Variants in HK1 observed in about 807,000 individuals in gnomAD.
HK1 encodes the protein hexokinase 1.
Under a neutral mutation model 91.6 loss-of-function variants are expected in HK1, and 28 were observed. That is an observed-to-expected ratio of 0.31 (90% CI 0.23 to 0.42). The LOEUF (loss-of-function observed/expected upper bound fraction) is 0.42. Among genes scored for constraint, HK1 ranks in the 10% least tolerant of loss-of-function variants. The pLI is 1.00. For synonymous variants in HK1, 430 were observed against 468.1 expected (o/e 0.92, Z 1.05); for missense variants, 770 against 1,219.8 (o/e 0.63, Z 5.49).
intron 2 of HK1, among the ~76,000 whole-genome samples, chr10:69,357,762 T>G (rs577557674): frequency 1.3e-5 from 2 of 152,232 alleles, no homozygotes; most frequent in South Asian, 4.1e-4. Context: ...CACTGTATGA[T>G]TTCATTGATA....
chr10:69,319,074 C>T, intron 1 of HK1, 64 bp downstream of exon 1: 2 of 1,535,830 alleles, frequency 1.3e-6, no homozygotes, highest in Non-Finnish European at 1.8e-6. Flanking sequence ...ATCCGCTCGC[C>T]GCCTCCGCTG....
rs1445042671 is a variant in HK1, at chr10:69,382,538, T to C, written c.1317T>C (p.Asp439=). The change falls in exon 10 of 18, where the codon GAT becomes GAC. Residue 439 remains aspartate, a synonymous_variant. Transcript: ENST00000359426. ...TAAGGCGCTTGGTGCCAGACTCCGA[T>C]GTGCGCTTCCTCCTCTCGGAGAGTG... ...KTLRRLVPDS[D]VRFLLSESGS... is the part of the protein sequence containing the mutation. The C allele has an allele frequency of 8.1e-6, 13 of 1,614,074 alleles. No homozygotes were observed. The highest frequency in any genetic ancestry group is 3.3e-5 in the South Asian group (3 of 91,086).
At chr10:69,318,787 G>A (rs547557166), upstream of HK1, 6 of 1,350,618 alleles carry the variant, frequency 4.4e-6, no homozygotes, top group Non-Finnish European at 5.8e-6. Context: ...CGCGGAGACC[G>A]GGAGCGCGCG....
chr10:69,379,170 CAAAA>C (rs986201473), intron 8 of HK1, among the ~76,000 whole-genome samples: 51 of 151,776 alleles, frequency 3.4e-4, no homozygotes, highest in African/African-American at 1.2e-3. Context: ...AAAAATCTGT[CAAAA>C]AAAGATGTCT....
chr10:69,400,399 A>G (rs1028833792), intron 17 of HK1, among the ~76,000 whole-genome samples: 1 of 152,188 alleles, frequency 6.6e-6, no homozygotes, highest in African/African-American at 2.4e-5. Context: ...TTCAGATACT[A>G]TCTTCACTGG....
chr10:69,306,299 AG>A (rs1280952776), intron 5 of HK1, among the ~76,000 whole-genome samples: 1 of 152,108 alleles, frequency 6.6e-6, no homozygotes, highest in Non-Finnish European at 1.5e-5. Flanking sequence ...TGGAGCTTGC[AG>A]TGAGCTGAGA....
At chr10:69,388,969 A>C (rs189756919) in intron 13 of HK1, among the ~76,000 whole-genome samples, 37 of 152,270 alleles carry the variant, frequency 2.4e-4, no homozygotes, top group Non-Finnish European at 4.9e-4. Context: ...TCATCTGTAA[A>C]ATGGGTAGAA....
At chr10:69,364,955 C>G in intron 4 of HK1, 53 bp downstream of exon 4, 1 of 1,605,240 alleles carries the variant, frequency 6.2e-7, no homozygotes, top group Non-Finnish European at 8.5e-7. Context: ...GATGGAAAAG[C>G]TAACAAGCCC....
At chr10:69,345,030 G>C (rs1020820690) in intron 2 of HK1, among the ~76,000 whole-genome samples, 6 of 152,044 alleles carry the variant, frequency 3.9e-5, no homozygotes, top group Admixed American at 6.6e-5. Flanking sequence ...CTTGTATGCA[G>C]CCTGCAAAAT....
intron 1 of HK1, among the ~76,000 whole-genome samples, chr10:69,328,517 C>G (rs116709257): frequency 6.6e-6 from 1 of 152,302 alleles, no homozygotes; most frequent in Non-Finnish European, 1.5e-5. Flanking sequence ...CTTAGTTCAT[C>G]CCCACAACGC....
At chr10:69,300,823 T>G in exon 5 of HK1, 1 of 1,610,962 alleles carries the variant, frequency 6.2e-7, no homozygotes, top group Non-Finnish European at 8.5e-7. Context: ...ACCACTGTGG[T>G]GGCGTGGAAA....
At chr10:69,320,883 G>A (rs1846983065) in intron 1 of HK1, among the ~76,000 whole-genome samples, 1 of 152,158 alleles carries the variant, frequency 6.6e-6, no homozygotes, top group Non-Finnish European at 1.5e-5. Flanking sequence ...TCCTGTGGGT[G>A]GCTCAATTCA....
chr10:69,395,976 G>A (rs1471759026), intron 16 of HK1, among the ~76,000 whole-genome samples: 2 of 152,068 alleles, frequency 1.3e-5, no homozygotes, highest in African/African-American at 2.4e-5. Flanking sequence ...ATAACCTAAC[G>A]TAGGCTCTGT....
At chr10:69,278,297 G>A (rs2132419513) in intron 1 of HK1, among the ~76,000 whole-genome samples, 1 of 152,334 alleles carries the variant, frequency 6.6e-6, no homozygotes, top group East Asian at 1.9e-4. Flanking sequence ...CTTTCCTTGA[G>A]AATATGTATA....
chr10:69,330,919 G>T, intron 1 of HK1, among the ~76,000 whole-genome samples: 1 of 147,928 alleles, frequency 6.8e-6, no homozygotes, highest in Non-Finnish European at 1.5e-5. Context: ...TCGCTGTGTC[G>T]CCCAGGCTGG....
At position 69,382,574 on chromosome 10, in the gene HK1, G is replaced by A; in HGVS notation, c.1353G>A (p.Lys451=). The change falls in exon 10 of 18, where the codon AAG becomes AAA. Residue 451 remains lysine, a synonymous_variant. Transcript: ENST00000359426. ...RFLLSESGSG[K]GAAMVTAVAY... is the part of the protein sequence containing the mutation. ...TCCTCTCGGAGAGTGGCAGCGGCAA[G>A]GGGGCTGCCATGGTGACGGCGGTGG... 2 of 1,614,188 alleles carry A rather than the reference G, an allele frequency of 1.2e-6. No individual in the cohort carries two copies. The highest frequency in any genetic ancestry group is 1.7e-6 in the Non-Finnish European group (2 of 1,180,004).
Position 69,303,655 on chromosome 10 carries a change from T to C in HK1, c.27+2794T>C, listed in dbSNP as rs867307499. 3.9e-5 allele frequency among the ~76,000 whole-genome samples: 6 copies of C among 151,920 alleles called. No homozygotes were observed. In the South Asian group the frequency reaches 1.0e-3, roughly 26 times the overall value. On this transcript the variant is annotated intron_variant, in intron 5 of 21. Coordinates refer to the HK1 transcript ENST00000360289. ...GGCTACCGAACCAGGATTACCCTTA[T>C]GGCAGGTAGTCTTAAGGGCAATCCT... is the stretch of plus-strand genomic sequence containing the variant.
chr10:69,276,231 TTTTG>T (rs997927164), intron 1 of HK1, among the ~76,000 whole-genome samples: 14 of 150,402 alleles, frequency 9.3e-5, no homozygotes, highest in South Asian at 2.1e-4. Context: ...ACTTTGTTGA[TTTTG>T]TTTGTTTGCT....
chr10:69,355,514 G>A (rs528158558), intron 2 of HK1, among the ~76,000 whole-genome samples: 3 of 152,336 alleles, frequency 2.0e-5, no homozygotes, highest in East Asian at 1.9e-4. Context: ...TACAGGCTGA[G>A]TGTGGTGGCT....
Sources: gnomAD v4.1 joint callset for allele counts (sites outside exome capture counted in the v4.1 genomes callset) on GRCh38, gnomAD v4.1.1 for gene constraint, MANE v1.5 for transcripts, NCBI Gene and HGNC (gene_info 2026-07-23, HGNC 2026-07-21) for gene names.